The following GLRA1 variants were observed in gnomAD, a reference collection of about 807,000 sequenced individuals.
The protein encoded by GLRA1 is glycine receptor subunit alpha-1.
GLRA1 carries 37 observed loss-of-function variants against 48.3 expected under a neutral mutation model. That is an observed-to-expected ratio of 0.77 (90% CI 0.59 to 1.01). The LOEUF is 1.01. Ranked by LOEUF, GLRA1 falls within the 50% of genes least tolerant of loss-of-function variation. The pLI is 0.00. For synonymous variants in GLRA1, 196 were observed against 210.7 expected, an observed-to-expected ratio of 0.93 and a Z score of 0.60; for missense variants, 427 against 571.0, an observed-to-expected ratio of 0.75 and a Z score of 2.57.
intron 6 of GLRA1, among the ~76,000 whole-genome samples, chr5:151,854,360 A>G (rs774648718): frequency 6.6e-6 from 1 of 152,114 alleles, no homozygotes; most frequent in African/African-American, 2.4e-5. Context: ...CTGGCTTGCC[A>G]TGCCTCTCTA....
intron 3 of GLRA1, among the ~76,000 whole-genome samples, chr5:151,862,705 T>A (rs1482816759): frequency 6.6e-6 from 1 of 152,262 alleles, no homozygotes; most frequent in Non-Finnish European, 1.5e-5. Flanking sequence ...AATATGCTGA[T>A]GAGTTGTGTG....
At chr5:151,871,605 G>A (rs1475938164) in intron 3 of GLRA1, among the ~76,000 whole-genome samples, 1 of 147,122 alleles carries the variant, frequency 6.8e-6, no homozygotes, top group Non-Finnish European at 1.5e-5. Context: ...CTGTCGCCCA[G>A]GCTGGAGTGC....
intron 1 of GLRA1, among the ~76,000 whole-genome samples, chr5:151,899,733 A>C (rs1485952892): frequency 6.6e-6 from 1 of 152,062 alleles, no homozygotes; most frequent in African/African-American, 2.4e-5. Context: ...GGAGTGCTTG[A>C]CATTTTATTA....
In GLRA1 at chr5:151,828,934, C is replaced by A. The variant is rs139213838; in HGVS notation, c.1046G>T (p.Arg349Leu). ...CCAAAGGCCTACCTTGTGATGTCTC[C>A]GCTTCCTCCTGAATCGGAGCAGCTC... ...HKELLRFRRK[R>L]RHHKEDEAGE... The change falls in exon 8 of 9, where the codon CGG becomes CTG. Residue 349 changes from arginine (R) to leucine (L), a missense_variant. Transcript: ENST00000274576. 2.5e-6 allele frequency: 4 copies of A among 1,614,100 alleles called. No individual in the cohort carries two copies. Among genetic ancestry groups the A allele is most frequent in the Non-Finnish European group, 3.4e-6 (4 of 1,179,976 alleles).
intron 7 of GLRA1, among the ~76,000 whole-genome samples, chr5:151,837,868 G>A (rs1163718803): frequency 6.6e-6 from 1 of 152,138 alleles, no homozygotes; most frequent in Non-Finnish European, 1.5e-5. Flanking sequence ...TAGATGATGG[G>A]TTGATGGGTG....
At chr5:151,908,414 G>T (rs1000126917) in intron 1 of GLRA1, among the ~76,000 whole-genome samples, 1 of 151,836 alleles carries the variant, frequency 6.6e-6, no homozygotes, top group African/African-American at 2.4e-5. Context: ...TTTCCCTTCT[G>T]GTTTCTCTAC....
In GLRA1 at chr5:151,893,285, TTTCTTTCTTTCTTTC is replaced by T. The variant is rs1233059568; in HGVS notation, c.57-862_57-848del. On this transcript the variant is annotated intron_variant, in intron 1 of 8. Transcript: ENST00000274576. The stretch of plus-strand genomic sequence containing the variant: ...GAACATGACCCTCCCTCTGCCCAAC[TTTCTTTCTTTCTTTC>T]TTTCTTTCTTTCTTTCTTTCTTTCT... 8.9e-5 allele frequency among the ~76,000 whole-genome samples: 4 copies of T among 44,974 alleles called. No individual in the cohort carries two copies. The East Asian group carries it at 2.0e-3, about 22-fold the overall frequency. The allele number at this position is 44,974 out of a possible 152,430, so 29.5% of individuals were successfully genotyped here.
chr5:151,849,875 AT>A (rs1581615166), intron 7 of GLRA1: 2 of 1,462,350 alleles, frequency 1.4e-6, no homozygotes, highest in East Asian at 2.5e-5. Context: ...TGGCTCTAGT[AT>A]TTTACAGTCT....
intron 8 of GLRA1, among the ~76,000 whole-genome samples, chr5:151,827,245 A>G (rs1359386572): frequency 6.6e-6 from 1 of 151,546 alleles, no homozygotes; most frequent in African/African-American, 2.4e-5. Context: ...ACTAGGGGTC[A>G]TTTAAGAAGT....
chr5:151,824,951 T>TTTG (rs144284694), intron 8 of GLRA1, among the ~76,000 whole-genome samples: 2 of 152,292 alleles, frequency 1.3e-5, no homozygotes, highest in Admixed American at 6.5e-5. Context: ...AGTGTCCTTT[T>TTTG]TTGTTGTTGT....
intron 1 of GLRA1, 36 bp downstream of exon 1, chr5:151,924,458 C>T (rs754014450): frequency 1.7e-5 from 22 of 1,312,140 alleles, no homozygotes; most frequent in African/African-American, 8.7e-5. Context: ...CCCCCCATTT[C>T]CATCAGAGCG....
At chr5:151,917,575 G>A (rs1754769704) in intron 1 of GLRA1, among the ~76,000 whole-genome samples, 1 of 152,108 alleles carries the variant, frequency 6.6e-6, no homozygotes, top group Non-Finnish European at 1.5e-5. Context: ...ACCCCCAAAA[G>A]TTTCCTCTTG....
intron 1 of GLRA1, among the ~76,000 whole-genome samples, chr5:151,914,696 C>T (rs777437508): frequency 1.4e-4 from 21 of 152,104 alleles, no homozygotes; most frequent in Non-Finnish European, 2.2e-4. Flanking sequence ...GGAGAAAGGA[C>T]GTTCAGTGGC....
chr5:151,822,996 A>G (rs1179637377), intron 8 of GLRA1, 33 bp from the exon 9 acceptor site: 2 of 1,560,884 alleles, frequency 1.3e-6, no homozygotes, highest in Admixed American at 3.7e-5. Context: ...CTCTACTTAA[A>G]ATAAGACAGG....
chr5:151,846,024 G>T (rs1752667182), intron 7 of GLRA1, among the ~76,000 whole-genome samples: 1 of 152,204 alleles, frequency 6.6e-6, no homozygotes, highest in Non-Finnish European at 1.5e-5. Flanking sequence ...TATACAGGTA[G>T]TTAAGTATCC....
intron 7 of GLRA1, chr5:151,849,148 C>CTTTCTTTCTTTCTTTCTTTCTTTCT (rs1279846576): frequency 2.1e-5 from 3 of 142,972 alleles, no homozygotes; most frequent in East Asian, 9.8e-5. Context: ...TTCTTTCTTT[C>CTTTCTTTCTTTCTTTCTTTCTTTCT]TTTCTTTTCT....
intron 3 of GLRA1, among the ~76,000 whole-genome samples, chr5:151,880,367 C>A (rs1753730210): frequency 6.6e-6 from 1 of 152,168 alleles, no homozygotes; most frequent in Admixed American, 6.5e-5. Flanking sequence ...GAACTCAAAC[C>A]CTGGTCTCCT....
At chr5:151,921,295 C>T (rs746853415) in intron 1 of GLRA1, among the ~76,000 whole-genome samples, 11 of 152,258 alleles carry the variant, frequency 7.2e-5, no homozygotes, top group East Asian at 3.9e-4. Flanking sequence ...CTTTCCTCCT[C>T]GTTATAATTA....
chr5:151,825,446 G>C (rs1448576326), intron 8 of GLRA1, among the ~76,000 whole-genome samples: 2 of 152,182 alleles, frequency 1.3e-5, no homozygotes, highest in Admixed American at 6.5e-5. Flanking sequence ...GGTTTGGATT[G>C]AAGGCCCCAT....
Sources: gnomAD v4.1 joint callset for allele counts (sites outside exome capture counted in the v4.1 genomes callset) on GRCh38, gnomAD v4.1.1 for gene constraint, MANE v1.5 for transcripts, NCBI Gene and HGNC (gene_info 2026-07-23, HGNC 2026-07-21) for gene names.